The following LHFPL2 variants were observed in gnomAD, a reference collection of about 807,000 sequenced individuals.
The protein encoded by LHFPL2 is LHFPL tetraspan subfamily member 2.
Under a neutral mutation model 17.5 loss-of-function variants are expected in LHFPL2, and 7 were observed. The ratio of observed to expected loss-of-function variants is 0.40; its 90% CI spans 0.23 to 0.75. The LOEUF (loss-of-function observed/expected upper bound fraction) is 0.75, where lower values mean the gene tolerates loss of function less well. Among genes scored for constraint, LHFPL2 ranks in the 30% least tolerant of loss-of-function variants. LHFPL2 has a pLI of 0.37. For synonymous variants in LHFPL2, 134 were observed against 116.2 expected, an observed-to-expected ratio of 1.15 and a Z score of -0.99; for missense variants, 241 against 294.8, an observed-to-expected ratio of 0.82 and a Z score of 1.34.
intron 3 of LHFPL2, among the ~76,000 whole-genome samples, chr5:78,526,559 G>A (rs918042069): frequency 3.9e-5 from 6 of 152,096 alleles, no homozygotes; most frequent in Non-Finnish European, 5.9e-5. Context: ...GCACCAGATC[G>A]TTCCTTCCTC....
At position 78,486,863 on chromosome 5, in the gene LHFPL2, G is replaced by A. The variant is rs1561298788; in HGVS notation, c.*2034C>T. 2.6e-5 allele frequency: 4 copies of A among 152,088 alleles called. No individual in the cohort carries two copies. The allele number at this position is 152,088 out of a possible 1,614,324, so 9.4% of individuals were successfully genotyped here. On this transcript the variant is annotated 3_prime_UTR_variant, in exon 5 of 5. Transcript: ENST00000380345. Reference sequence around the variant, plus strand: ...GATTGTAAACCTAGTGTCAGAAAATGGTTTCTCTATCCAAGAAAGAAAGAA... The same window carrying A: ...GATTGTAAACCTAGTGTCAGAAAATAGTTTCTCTATCCAAGAAAGAAAGAA...
At chr5:78,630,315 C>A (rs1006594858) in intron 2 of LHFPL2, among the ~76,000 whole-genome samples, 3 of 152,190 alleles carry the variant, frequency 2.0e-5, no homozygotes, top group Non-Finnish European at 2.9e-5. Flanking sequence ...AAATGCCCTG[C>A]GGCAGCTTCT....
chr5:78,503,410 C>T (rs16875540), intron 4 of LHFPL2, among the ~76,000 whole-genome samples: 50,616 of 152,090 alleles, frequency 0.33, 9,173 homozygotes, highest in East Asian at 0.72. Flanking sequence ...AACAGGTCCC[C>T]GTCTTGGCCA....
intron 4 of LHFPL2, among the ~76,000 whole-genome samples, chr5:78,492,155 C>T (rs564357476): frequency 6.6e-6 from 1 of 152,302 alleles, no homozygotes; most frequent in South Asian, 2.1e-4. Context: ...TGTACAATCT[C>T]CCCCAGCCCG....
At chr5:78,635,580 A>T (rs1239554369) in intron 1 of LHFPL2, among the ~76,000 whole-genome samples, 1 of 152,226 alleles carries the variant, frequency 6.6e-6, no homozygotes, top group African/African-American at 2.4e-5. Context: ...AGGCGGGCGG[A>T]CCACGAGGTC....
At chr5:78,644,218 G>T in intron 1 of LHFPL2, 1 of 640,100 alleles carries the variant, frequency 1.6e-6, no homozygotes, top group Non-Finnish European at 2.8e-6. Context: ...TGCATACAGG[G>T]AGTTGAAATG....
intron 2 of LHFPL2, among the ~76,000 whole-genome samples, chr5:78,617,502 G>C (rs1215024761): frequency 1.3e-5 from 2 of 152,102 alleles, no homozygotes; most frequent in Non-Finnish European, 2.9e-5. Flanking sequence ...GTGCACCCAT[G>C]GGTGCAATTT....
chr5:78,639,660 AT>A lies in LHFPL2; in HGVS notation c.-349-7293del, dbSNP rs1745599500. Among the ~76,000 whole-genome samples, 3 of 152,170 alleles carry A rather than the reference AT, an allele frequency of 2.0e-5. No individual in the cohort carries two copies. The South Asian group carries it at 6.2e-4, about 32-fold the overall frequency. ...AAAAAAAAAACAAATGTGATTTTAGATTGTTTTTAAAGTTGTGAGCCATGTT... is the reference window on the plus strand; with the variant it reads ...AAAAAAAAAACAAATGTGATTTTAGATGTTTTTAAAGTTGTGAGCCATGTT... On this transcript the variant is annotated intron_variant, in intron 1 of 4. Coordinates refer to ENST00000380345, the MANE Select transcript of LHFPL2 (RefSeq NM_005779.3).
Position 78,486,937 on chromosome 5 carries a change from AG to A in LHFPL2, c.*1959del, listed in dbSNP as rs1201798117. ...TGGAAAAATTTTGTGTTTTTCATCA[AG>A]GTTTGAGACTTGGTTAGAACATTAT... is the stretch of plus-strand genomic sequence containing the variant. On this transcript the variant is annotated 3_prime_UTR_variant, in exon 5 of 5. Coordinates refer to ENST00000380345, the MANE Select transcript of LHFPL2 (RefSeq NM_005779.3). 2 of 152,192 alleles carry A rather than the reference AG, an allele frequency of 1.3e-5. No individual in the cohort carries two copies. Among genetic ancestry groups the A allele is most frequent in the East Asian group, 3.8e-4 (2 of 5,202 alleles). 9.4% of individuals were successfully genotyped at this position (152,192 alleles called of 1,614,324 possible).
intron 2 of LHFPL2, among the ~76,000 whole-genome samples, chr5:78,589,342 G>A (rs1412937615): frequency 5.9e-5 from 9 of 151,692 alleles, no homozygotes; most frequent in East Asian, 1.9e-4. Context: ...ATGGTGGCAC[G>A]CGCCTGTAAT....
chr5:78,541,156 C>G (rs1756101289), intron 3 of LHFPL2, among the ~76,000 whole-genome samples: 1 of 152,152 alleles, frequency 6.6e-6, no homozygotes, highest in Admixed American at 6.5e-5. Flanking sequence ...ACGTCCCCAG[C>G]CATCCATCAC....
At chr5:78,620,747 T>C (rs542722731) in intron 2 of LHFPL2, among the ~76,000 whole-genome samples, 4 of 152,332 alleles carry the variant, frequency 2.6e-5, no homozygotes, top group Non-Finnish European at 2.9e-5. Context: ...CAGAACGCTA[T>C]GAGCACCGAG....
At chr5:78,494,331 G>T in intron 4 of LHFPL2, 1 of 983,120 alleles carries the variant, frequency 1.0e-6, no homozygotes, top group Non-Finnish European at 1.2e-6. Flanking sequence ...ACCATGGAAA[G>T]AAGCCATAGG....
chr5:78,576,602 G>A (rs1208758765), intron 2 of LHFPL2, among the ~76,000 whole-genome samples: 1 of 152,162 alleles, frequency 6.6e-6, no homozygotes, highest in Non-Finnish European at 1.5e-5. Flanking sequence ...GAGAAGAGAA[G>A]GCCCCAGGGA....
At chr5:78,625,690 G>A (rs527638276) in intron 2 of LHFPL2, 15 of 152,270 alleles carry the variant, frequency 9.9e-5, no homozygotes, top group African/African-American at 3.4e-4. Flanking sequence ...ATTAGGAGTC[G>A]GAAGTCGTAT....
Position 78,488,897 on chromosome 5 carries a change from C to T in LHFPL2, c.687G>A (p.Ter229=), listed in dbSNP as rs1244684221. The change falls in exon 5 of 5, where the codon TAG becomes TAA. Residue 229 remains the stop codon, a stop_retained_variant. Transcript: ENST00000380345. ...EEGKNLICLL[*] ...AGAAAATGGCATTGTCTCTTCCAAA[C>T]TAAAGGAGGCAGATCAGATTTTTCC... 1.9e-6 allele frequency: 3 copies of T among 1,613,738 alleles called. No individual in the cohort carries two copies. Among genetic ancestry groups the T allele is most frequent in the East Asian group, 2.2e-5 (1 of 44,898 alleles).
chr5:78,544,752 T>TACACACACAC (rs34278546), intron 3 of LHFPL2, among the ~76,000 whole-genome samples: 7 of 149,004 alleles, frequency 4.7e-5, no homozygotes, highest in South Asian at 2.1e-4. Context: ...GCCATCTTCT[T>TACACACACAC]ACACACACAC....
chr5:78,636,635 G>T (rs923989894), intron 1 of LHFPL2, among the ~76,000 whole-genome samples: 1 of 152,162 alleles, frequency 6.6e-6, no homozygotes, highest in South Asian at 2.1e-4. Flanking sequence ...ACTTAACAAC[G>T]CTCATTATCT....
chr5:78,493,975 G>A (rs1302362651), intron 4 of LHFPL2, among the ~76,000 whole-genome samples: 1 of 152,176 alleles, frequency 6.6e-6, no homozygotes, highest in Non-Finnish European at 1.5e-5. Context: ...CCAAATGGAA[G>A]GTAAAGGATG....
Sources: gnomAD v4.1 joint callset for allele counts (sites outside exome capture counted in the v4.1 genomes callset) on GRCh38, gnomAD v4.1.1 for gene constraint, MANE v1.5 for transcripts, NCBI Gene and HGNC (gene_info 2026-07-23, HGNC 2026-07-21) for gene names.